Variants in MAST4 observed in about 807,000 individuals in gnomAD.
The protein encoded by MAST4 is microtubule associated serine/threonine kinase family member 4.
Under a neutral mutation model 162.7 loss-of-function variants are expected in MAST4, and 89 were observed. The observed-to-expected ratio is 0.55, with a 90% CI of 0.46 to 0.65. The LOEUF (loss-of-function observed/expected upper bound fraction) is 0.65. Ranked by LOEUF, MAST4 falls within the 30% of genes least tolerant of loss-of-function variation. The pLI, the probability that MAST4 is intolerant of heterozygous loss-of-function variation, is 0.00. For missense variants in MAST4, 3,153 were observed against 3,374.0 expected (o/e 0.93, Z 1.62); for synonymous variants, 1,479 against 1,361.1 (o/e 1.09, Z -1.91).
intron 1 of MAST4, among the ~76,000 whole-genome samples, chr5:66,750,708 G>C (rs1003251410): frequency 6.6e-6 from 1 of 152,170 alleles, no homozygotes; most frequent in Non-Finnish European, 1.5e-5. Context: ...AGGCGGTAGC[G>C]AGGCTGGGGG....
At chr5:66,795,743 C>G (rs1755615794) in intron 3 of MAST4, among the ~76,000 whole-genome samples, 1 of 152,144 alleles carries the variant, frequency 6.6e-6, no homozygotes, top group African/African-American at 2.4e-5. Context: ...ATCAGCTTAC[C>G]AAACCAACTG....
At chr5:66,787,199 A>G (rs958817166) in intron 2 of MAST4, among the ~76,000 whole-genome samples, 2 of 152,226 alleles carry the variant, frequency 1.3e-5, no homozygotes, top group African/African-American at 2.4e-5. Flanking sequence ...GATCCCCTCA[A>G]TAACTTTACA....
intron 4 of MAST4, among the ~76,000 whole-genome samples, chr5:66,968,104 A>G (rs557665250): frequency 2.0e-5 from 3 of 152,298 alleles, no homozygotes; most frequent in South Asian, 2.1e-4. Context: ...CTTGCCATCA[A>G]TAGGGACCCA....
At chr5:66,928,011 G>A (rs368867244) in intron 4 of MAST4, among the ~76,000 whole-genome samples, 1 of 152,094 alleles carries the variant, frequency 6.6e-6, no homozygotes, top group Non-Finnish European at 1.5e-5. Flanking sequence ...CTATCCCTGT[G>A]TCAAAATTCC....
At chr5:66,870,050 G>A (rs1416719630) in intron 3 of MAST4, among the ~76,000 whole-genome samples, 1 of 152,130 alleles carries the variant, frequency 6.6e-6, no homozygotes, top group Non-Finnish European at 1.5e-5. Flanking sequence ...TGTGTGTTTG[G>A]CATGGAATGA....
chr5:66,704,455 G>T (rs1024509719), intron 1 of MAST4, among the ~76,000 whole-genome samples: 2 of 150,158 alleles, frequency 1.3e-5, no homozygotes, highest in Non-Finnish European at 3.0e-5. Flanking sequence ...TCTGTTGAAA[G>T]CTCCTTTCTT....
chr5:67,166,757 C>A lies in MAST4; in HGVS notation c.7578C>A (p.Val2526=), dbSNP rs773989187. ...TKSDSLPSFR[V]STLPLESHHP... The stretch of plus-strand genomic sequence containing the variant: ...GTGACTCCCTGCCCTCCTTCCGGGT[C>A]TCCACCCTGCCTCTGGAGTCACACC... Residue 2526 remains valine, a synonymous_variant, in exon 29 of 29, where the codon GTC becomes GTA. Coordinates refer to ENST00000403625, the MANE Select transcript of MAST4 (RefSeq NM_001164664.2). 3 of 1,596,544 alleles carry A rather than the reference C, an allele frequency of 1.9e-6. No individual in the cohort carries two copies. The highest frequency in any genetic ancestry group is 8.5e-7 in the Non-Finnish European group (1 of 1,172,176).
chr5:67,039,409 G>A (rs73766143), intron 4 of MAST4, among the ~76,000 whole-genome samples: 4 of 152,290 alleles, frequency 2.6e-5, no homozygotes, highest in African/African-American at 7.2e-5. Flanking sequence ...TCATAAGCAG[G>A]AATCCAGGGA....
At chr5:67,074,390 C>T (rs1012743574) in intron 5 of MAST4, among the ~76,000 whole-genome samples, 1 of 152,064 alleles carries the variant, frequency 6.6e-6, no homozygotes, top group African/African-American at 2.4e-5. Flanking sequence ...TACTTTATGT[C>T]AAGAGCCCTA....
intron 3 of MAST4, among the ~76,000 whole-genome samples, chr5:66,835,584 A>G (rs371895718): frequency 2.6e-5 from 4 of 152,338 alleles, no homozygotes; most frequent in East Asian, 1.9e-4. Context: ...AAGCCCAGCT[A>G]ATCAATAAAC....
At chr5:67,004,074 T>TGCGC (rs1751624447) in intron 4 of MAST4, 1 of 152,242 alleles carries the variant, frequency 6.6e-6, no homozygotes, top group African/African-American at 2.4e-5. Context: ...CGGCCTCAGG[T>TGCGC]GCGCGCAGCA....
At chr5:66,937,106 T>G (rs570892106) in intron 4 of MAST4, among the ~76,000 whole-genome samples, 1 of 152,204 alleles carries the variant, frequency 6.6e-6, no homozygotes, top group African/African-American at 2.4e-5. Context: ...GAGGTACTCA[T>G]GTTATTTTAA....
chr5:67,125,642 C>T (rs1768134686), intron 14 of MAST4, among the ~76,000 whole-genome samples: 1 of 152,098 alleles, frequency 6.6e-6, no homozygotes, highest in Non-Finnish European at 1.5e-5. Context: ...TTTCCTTATC[C>T]AGTCTATCAT....
At chr5:66,783,568 C>T (rs1028296458) in intron 2 of MAST4, among the ~76,000 whole-genome samples, 1 of 152,200 alleles carries the variant, frequency 6.6e-6, no homozygotes, top group Non-Finnish European at 1.5e-5. Flanking sequence ...AAGGACAGAT[C>T]AGTTACTGGA....
intron 11 of MAST4, among the ~76,000 whole-genome samples, chr5:67,110,683 G>C (rs1412817785): frequency 1.3e-5 from 2 of 152,248 alleles, no homozygotes; most frequent in Non-Finnish European, 2.9e-5. Flanking sequence ...GCCTCATGCA[G>C]ACCTGAAGGA....
rs527815390 is a variant in MAST4, at chr5:66,789,953, C to T, written c.642+1159C>T. 1.4e-4 allele frequency among the ~76,000 whole-genome samples: 20 copies of T among 144,790 alleles called. 2 individuals are homozygous for T. The highest frequency in any genetic ancestry group is 2.1e-4 in the African/African-American group (8 of 38,530). 95.0% of individuals were successfully genotyped at this position (144,790 alleles called of 152,430 possible). A position where few individuals can be genotyped will look rare whatever the true frequency, so the allele number is the denominator to read the frequency against. The stretch of plus-strand genomic sequence containing the variant: ...GATTCCCACATTTCTATTTTTACCC[C>T]GGTGTAGACCTTTATGTTTAACATG... On this transcript the variant is annotated intron_variant, in intron 3 of 28. Transcript: ENST00000403625.
At chr5:67,134,776 A>G (rs1769408986) in intron 18 of MAST4, 88 bp downstream of exon 18, 1 of 1,092,932 alleles carries the variant, frequency 9.1e-7, no homozygotes, top group South Asian at 1.7e-5. Context: ...TTTTACTACT[A>G]AAATGTTAAC....
intron 4 of MAST4, chr5:66,963,608 G>A: frequency 1.4e-6 from 1 of 727,246 alleles, no homozygotes; most frequent in Non-Finnish European, 2.5e-6. Flanking sequence ...GCTTGCCATA[G>A]TGATTCTGGC....
chr5:66,704,122 T>G (rs138437225), intron 1 of MAST4, among the ~76,000 whole-genome samples: 2 of 151,990 alleles, frequency 1.3e-5, no homozygotes, highest in African/African-American at 4.8e-5. Context: ...GTACCTGAGG[T>G]TTTTTTTCCC....
Sources: allele counts gnomAD v4.1 joint callset (sites outside exome capture counted in the v4.1 genomes callset), GRCh38; gene constraint gnomAD v4.1.1; transcripts MANE v1.5; gene names NCBI Gene and HGNC (gene_info 2026-07-23, HGNC 2026-07-21).